DNAH14: variants seen among roughly 807,000 people sequenced by gnomAD.
The protein encoded by DNAH14 is dynein axonemal heavy chain 14.
A neutral mutation model predicts 520.9 loss-of-function variants in DNAH14; 478 were observed. The observed-to-expected ratio is 0.92, with a 90% CI of 0.85 to 0.99. DNAH14 has a LOEUF of 0.99. Ranked by LOEUF, DNAH14 falls within the 50% of genes least tolerant of loss-of-function variation. The pLI, the probability that DNAH14 is intolerant of heterozygous loss-of-function variation, is 0.00. For synonymous variants in DNAH14, 1,581 were observed against 1,757.2 expected, an observed-to-expected ratio of 0.90 and a Z score of 2.51; for missense variants, 4,831 against 5,234.5, an observed-to-expected ratio of 0.92 and a Z score of 2.38.
intron 42 of DNAH14, among the ~76,000 whole-genome samples, chr1:225,234,631 T>A (rs1314176604): frequency 6.6e-6 from 1 of 152,236 alleles, no homozygotes; most frequent in Non-Finnish European, 1.5e-5. Flanking sequence ...TAAATTGCTT[T>A]GGGCAGTATG....
In DNAH14 at chr1:225,374,896, A is replaced by T; in HGVS notation, c.12516+11A>T. The T allele has an allele frequency of 6.5e-7, 1 of 1,527,050 alleles. No individual in the cohort carries two copies. The highest frequency in any genetic ancestry group is 8.8e-7 in the Non-Finnish European group (1 of 1,131,424). 94.6% of individuals were successfully genotyped at this position (1,527,050 alleles called of 1,614,324 possible). A position where few individuals can be genotyped will look rare whatever the true frequency, so the allele number is the denominator to read the frequency against. On this transcript the variant is annotated intron_variant, in intron 78 of 85. Transcript: ENST00000682510. ...TTCTCCAGTGATGGGGTAGGAAAAG[A>T]ATCAATCTTCTTGCATTTCTCGATA...
At position 224,954,816 on chromosome 1, in the gene DNAH14, G is replaced by A. The variant is rs940424800; in HGVS notation, c.78-143G>A. The A allele has an allele frequency of 1.5e-5, 9 of 592,630 alleles. No individual in the cohort carries two copies. In the South Asian group the frequency reaches 2.1e-4, roughly 14 times the overall value. The allele number at this position is 592,630 out of a possible 1,614,324, so 36.7% of individuals were successfully genotyped here. ...ATAAATATTTAATCTTTCAATTATG[G>A]AGCATGTTAACCATAGCATTTATTA... On this transcript the variant is annotated intron_variant, in intron 2 of 85. Coordinates refer to ENST00000682510, the MANE Select transcript of DNAH14 (RefSeq NM_001367479.1).
Position 225,231,085 on chromosome 1 carries a change from A to G in DNAH14, c.6452A>G (p.Asn2151Ser). The G allele has an allele frequency of 1.3e-6, 2 of 1,547,530 alleles. No individual in the cohort carries two copies. Among genetic ancestry groups the G allele is most frequent in the Non-Finnish European group, 1.7e-6 (2 of 1,145,172 alleles). Residue 2151 changes from asparagine (N) to serine (S), a missense_variant, in exon 42 of 86, where the codon AAT becomes AGT. Physicochemically the swap from Asn to Ser is conservative, Grantham distance 46. Transcript: ENST00000682510. The part of the protein sequence containing the change: ...NGGFEQSDDL[N>S]DTSSKEANSQ... ...TTTCCTTTTTAAGGTGATGATTTGA[A>G]TGACACGTCATCTAAGGAGGCAAAT...
chr1:225,163,281 T>G (rs1168610253), intron 35 of DNAH14, among the ~76,000 whole-genome samples: 1 of 152,122 alleles, frequency 6.6e-6, no homozygotes, highest in Non-Finnish European at 1.5e-5. Flanking sequence ...TTTTTCCAAA[T>G]ATAAGATCAT....
At chr1:225,038,922 C>T in intron 12 of DNAH14, 99 bp downstream of exon 12, 2 of 1,106,462 alleles carry the variant, frequency 1.8e-6, no homozygotes, top group Non-Finnish European at 2.5e-6. Flanking sequence ...CCCACAAGCC[C>T]TTACCCAACA....
At chr1:225,185,102 A>G (rs2084529297) in intron 36 of DNAH14, among the ~76,000 whole-genome samples, 189 bp from the exon 37 acceptor site, 1 of 151,940 alleles carries the variant, frequency 6.6e-6, no homozygotes, top group Non-Finnish European at 1.5e-5. Context: ...CAGGACACAA[A>G]ATCAATGTAA....
At chr1:225,189,419 T>C (rs1310698407) in intron 37 of DNAH14, among the ~76,000 whole-genome samples, 1 of 151,432 alleles carries the variant, frequency 6.6e-6, no homozygotes, top group African/African-American at 2.4e-5. Flanking sequence ...CTTTTCTTTT[T>C]TTTTTTTACA....
chr1:225,253,246 GAT>G (rs1388051883), intron 44 of DNAH14, among the ~76,000 whole-genome samples: 1 of 152,098 alleles, frequency 6.6e-6, no homozygotes, highest in African/African-American at 2.4e-5. Context: ...TGTTAGTGCT[GAT>G]ATTGACTGAC....
At chr1:225,077,984 G>C (rs1288444585) in intron 17 of DNAH14, among the ~76,000 whole-genome samples, 1 of 152,078 alleles carries the variant, frequency 6.6e-6, no homozygotes, top group African/African-American at 2.4e-5. Context: ...AAATTGAACT[G>C]ACTTTCATAC....
In DNAH14 at chr1:225,068,026, C is replaced by T. The variant is rs188011390; in HGVS notation, c.2425-11181C>T. Among the ~76,000 whole-genome samples, 890 of 152,234 alleles carry T rather than the reference C, an allele frequency of 5.8e-3. 5 individuals carry two copies. The highest frequency in any genetic ancestry group is 9.3e-3 in the Non-Finnish European group (630 of 68,006). ...CTTCATCATGAAATCTTTGCCCATGCCTATGTCCTGAATGGTATTGCCTAG... is the reference window on the plus strand; with the variant it reads ...CTTCATCATGAAATCTTTGCCCATGTCTATGTCCTGAATGGTATTGCCTAG... On this transcript the variant is annotated intron_variant, in intron 17 of 85. Transcript: ENST00000682510.
intron 85 of DNAH14, 28 bp downstream of exon 85, chr1:225,398,694 C>T: frequency 3.2e-6 from 5 of 1,549,418 alleles, no homozygotes; most frequent in Middle Eastern, 1.7e-4. Flanking sequence ...ATCCTGAAGT[C>T]CTAAACCTCT....
intron 36 of DNAH14, among the ~76,000 whole-genome samples, chr1:225,181,638 T>A (rs1037481959): frequency 8.5e-5 from 13 of 152,246 alleles, no homozygotes; most frequent in African/African-American, 3.1e-4. Context: ...GAGAAGTGTC[T>A]GTTCATCTCC....
At chr1:225,372,142 G>T (rs1175190175) in intron 77 of DNAH14, among the ~76,000 whole-genome samples, 1 of 152,046 alleles carries the variant, frequency 6.6e-6, no homozygotes, top group Non-Finnish European at 1.5e-5. Context: ...TTATGGGAAG[G>T]CTTCCCATAT....
At chr1:225,150,591 T>C (rs2080406015) in intron 31 of DNAH14, among the ~76,000 whole-genome samples, 1 of 152,212 alleles carries the variant, frequency 6.6e-6, no homozygotes, top group Non-Finnish European at 1.5e-5. Flanking sequence ...TATTGGTCTG[T>C]TCAGGGCTTC....
At chr1:225,168,860 G>C (rs2149207016) in intron 36 of DNAH14, among the ~76,000 whole-genome samples, 1 of 152,320 alleles carries the variant, frequency 6.6e-6, no homozygotes, top group East Asian at 1.9e-4. Context: ...TCCTCAAGTG[G>C]GTCTCTGACC....
At chr1:225,366,805 T>A (rs1332273296) in intron 76 of DNAH14, among the ~76,000 whole-genome samples, 2 of 116,360 alleles carry the variant, frequency 1.7e-5, no homozygotes, top group African/African-American at 5.2e-5. Flanking sequence ...AGAGACCTCC[T>A]CTTTTCCCCG....
chr1:225,051,078 C>T lies in DNAH14; in HGVS notation c.2080-373C>T, dbSNP rs112665105. On this transcript the variant is annotated intron_variant, in intron 16 of 85. Transcript: ENST00000682510. ...CTGTGTGGCATAGTTCCTAACAGGC[C>T]GTGGACTGGCACTGCTCTCTGGCCT... Among the ~76,000 whole-genome samples the T allele has an allele frequency of 2.9e-3, 449 of 152,244 alleles. 3 individuals are homozygous for T. Among genetic ancestry groups the T allele is most frequent in the African/African-American group, 9.4e-3 (390 of 41,546 alleles).
chr1:225,275,258 A>G (rs117902456), intron 52 of DNAH14, among the ~76,000 whole-genome samples: 2,760 of 152,322 alleles, frequency 0.018, 66 homozygotes, highest in African/African-American at 0.054. Context: ...GCTGAGGACT[A>G]CCTAGGACTA....
At chr1:225,115,164 T>A (rs1471418946) in intron 23 of DNAH14, among the ~76,000 whole-genome samples, 1 of 152,066 alleles carries the variant, frequency 6.6e-6, no homozygotes, top group Non-Finnish European at 1.5e-5. Flanking sequence ...AACAATGGAG[T>A]CTCTCTCTGT....
Sources: allele counts gnomAD v4.1 joint callset (sites outside exome capture counted in the v4.1 genomes callset), GRCh38; gene constraint gnomAD v4.1.1; transcripts MANE v1.5; gene names NCBI Gene and HGNC (gene_info 2026-07-23, HGNC 2026-07-21).